Variants in CDYL observed in about 807,000 individuals in gnomAD.
The protein encoded by CDYL is chromodomain Y like.
Under a neutral mutation model 47.3 loss-of-function variants are expected in CDYL, and 8 were observed. That is an observed-to-expected ratio of 0.17 (90% CI 0.10 to 0.31). The LOEUF is 0.31. CDYL is among the 10% of genes least tolerant of loss of function. The pLI is 1.00. For synonymous variants in CDYL, 266 were observed against 265.0 expected, an observed-to-expected ratio of 1.00 and a Z score of -0.04; for missense variants, 471 against 701.4, an observed-to-expected ratio of 0.67 and a Z score of 3.71.
chr6:4,851,140 T>C (rs1380075856), intron 1 of CDYL, among the ~76,000 whole-genome samples: 1 of 152,182 alleles, frequency 6.6e-6, no homozygotes, highest in African/African-American at 2.4e-5. Flanking sequence ...CATGGACGTC[T>C]TATTTAGTAG....
At chr6:4,831,227 C>G (rs1355882684) in intron 1 of CDYL, among the ~76,000 whole-genome samples, 1 of 152,112 alleles carries the variant, frequency 6.6e-6, no homozygotes, top group Non-Finnish European at 1.5e-5. Flanking sequence ...ACATTTAAGT[C>G]TTTAATCCAT....
At chr6:4,922,553 T>G (rs1757747473) in intron 2 of CDYL, among the ~76,000 whole-genome samples, 2 of 152,204 alleles carry the variant, frequency 1.3e-5, no homozygotes, top group Admixed American at 6.5e-5. Flanking sequence ...GGGTGCAGCT[T>G]TAACGAGCAG....
chr6:4,915,235 GT>G (rs2127503293), intron 2 of CDYL, among the ~76,000 whole-genome samples: 1 of 152,266 alleles, frequency 6.6e-6, no homozygotes, highest in South Asian at 2.1e-4. Flanking sequence ...GTTTTGTTTT[GT>G]TTAATATTTT....
intron 3 of CDYL, among the ~76,000 whole-genome samples, chr6:4,756,573 C>CGTGTGTGTGT (rs1228739911): frequency 3.0e-4 from 37 of 125,280 alleles, no homozygotes; most frequent in African/African-American, 1.4e-3. Flanking sequence ...TTAAAATTAT[C>CGTGTGTGTGT]GTGTGTATGT....
At chr6:4,790,968 CT>C (rs1025094125) in intron 1 of CDYL, among the ~76,000 whole-genome samples, 7 of 152,182 alleles carry the variant, frequency 4.6e-5, no homozygotes, top group Admixed American at 3.9e-4. Flanking sequence ...CAAGTGCTCA[CT>C]TTGGAAGAGA....
intron 2 of CDYL, among the ~76,000 whole-genome samples, chr6:4,914,412 G>A (rs1303714071): frequency 6.6e-6 from 1 of 152,122 alleles, no homozygotes; most frequent in Non-Finnish European, 1.5e-5. Context: ...ACGCTGTCGT[G>A]CCAGTCCACA....
At chr6:4,854,566 T>C (rs1182937206) in intron 1 of CDYL, among the ~76,000 whole-genome samples, 1 of 152,230 alleles carries the variant, frequency 6.6e-6, no homozygotes, top group Non-Finnish European at 1.5e-5. Flanking sequence ...TCTTCTACTA[T>C]GGCAGGTGTT....
chr6:4,853,808 T>C (rs537796914), intron 1 of CDYL, among the ~76,000 whole-genome samples: 112 of 152,346 alleles, frequency 7.4e-4, no homozygotes, highest in African/African-American at 2.6e-3. Context: ...TGCCCCAGCT[T>C]CTCCTGCCAT....
intron 1 of CDYL, among the ~76,000 whole-genome samples, chr6:4,817,595 CA>C (rs1759710463): frequency 6.6e-6 from 1 of 152,170 alleles, no homozygotes; most frequent in Admixed American, 6.5e-5. Context: ...GTATTTTTAT[CA>C]TTTTAAACTT....
At chr6:4,761,676 T>C (rs967759435) in intron 3 of CDYL, among the ~76,000 whole-genome samples, 1 of 152,214 alleles carries the variant, frequency 6.6e-6, no homozygotes, top group Non-Finnish European at 1.5e-5. Context: ...TGACTACTTA[T>C]GTGGTAGTAT....
At chr6:4,842,895 A>C (rs192995621) in intron 1 of CDYL, among the ~76,000 whole-genome samples, 5 of 151,912 alleles carry the variant, frequency 3.3e-5, no homozygotes, top group African/African-American at 7.3e-5. Context: ...AGGAGGTTCT[A>C]TTTTGGTGTA....
At chr6:4,723,795 G>C (rs572250325) in intron 2 of CDYL, among the ~76,000 whole-genome samples, 2 of 152,158 alleles carry the variant, frequency 1.3e-5, no homozygotes, top group Admixed American at 6.5e-5. Flanking sequence ...AAATCTAAGG[G>C]AAACATCAAG....
chr6:4,724,395 A>C (rs968263703), intron 2 of CDYL: 1 of 152,136 alleles, frequency 6.6e-6, no homozygotes, highest in African/African-American at 2.4e-5. Flanking sequence ...CTTTCGTGTA[A>C]CATGTCAGGG....
chr6:4,908,075 A>C (rs1757294790), intron 2 of CDYL, among the ~76,000 whole-genome samples: 1 of 152,140 alleles, frequency 6.6e-6, no homozygotes, highest in African/African-American at 2.4e-5. Context: ...CTTGGTGTGG[A>C]CCCCTGAAAT....
chr6:4,888,866 A>G (rs1761966157), intron 1 of CDYL, among the ~76,000 whole-genome samples: 4 of 152,136 alleles, frequency 2.6e-5, no homozygotes, highest in African/African-American at 9.7e-5. Context: ...ATTATTTAGC[A>G]TGGGTTAATT....
At chr6:4,864,679 A>G (rs766297811) in intron 1 of CDYL, among the ~76,000 whole-genome samples, 4 of 152,024 alleles carry the variant, frequency 2.6e-5, no homozygotes, top group Non-Finnish European at 4.4e-5. Context: ...TGGGTTTATC[A>G]TGGGTTTCTG....
At chr6:4,936,170 C>A (rs1380941758) in intron 3 of CDYL, among the ~76,000 whole-genome samples, 1 of 152,198 alleles carries the variant, frequency 6.6e-6, no homozygotes, top group Non-Finnish European at 1.5e-5. Flanking sequence ...TTTGTTCAGA[C>A]AGAATTTAAG....
At chr6:4,808,536 C>T (rs1238636385) in intron 1 of CDYL, among the ~76,000 whole-genome samples, 4 of 152,222 alleles carry the variant, frequency 2.6e-5, no homozygotes, top group African/African-American at 9.7e-5. Context: ...AACTAGAACA[C>T]ATGCCAGTGA....
At chr6:4,815,975 T>TG (rs1164730925) in intron 1 of CDYL, among the ~76,000 whole-genome samples, 2 of 150,868 alleles carry the variant, frequency 1.3e-5, no homozygotes, top group East Asian at 1.9e-4. Context: ...TTTATAGGTT[T>TG]TTTTTTTTTT....
Sources: gnomAD v4.1 joint callset for allele counts (sites outside exome capture counted in the v4.1 genomes callset) on GRCh38, gnomAD v4.1.1 for gene constraint, MANE v1.5 for transcripts, NCBI Gene and HGNC (gene_info 2026-07-23, HGNC 2026-07-21) for gene names.